SLC4A5: variants seen among roughly 807,000 people sequenced by gnomAD.
SLC4A5 encodes solute carrier family 4 member 5.
SLC4A5 carries 96 observed loss-of-function variants against 120.4 expected under a neutral mutation model. That is an observed-to-expected ratio of 0.80 (90% CI 0.68 to 0.94). The LOEUF is 0.94. SLC4A5 is among the 40% of genes least tolerant of loss of function. The probability of loss-of-function intolerance (pLI) is 0.00; values close to 1 mark genes in which losing one functional copy is unlikely to be tolerated. For missense variants in SLC4A5, 1,259 were observed against 1,459.5 expected (o/e 0.86, Z 2.24); for synonymous variants, 550 against 571.1 (o/e 0.96, Z 0.53).
chr2:74,298,026 T>G (rs1303154542), intron 7 of SLC4A5, among the ~76,000 whole-genome samples: 1 of 152,228 alleles, frequency 6.6e-6, no homozygotes, highest in East Asian at 1.9e-4. Flanking sequence ...GATCTGTTTT[T>G]ATTTCCCACA....
At chr2:74,240,041 T>A (rs916279119) in intron 20 of SLC4A5, among the ~76,000 whole-genome samples, 2 of 145,382 alleles carry the variant, frequency 1.4e-5, no homozygotes, top group African/African-American at 2.5e-5. Flanking sequence ...ATATATAAAT[T>A]TATATATATA....
At chr2:74,311,333 T>G (rs1204704479) in intron 6 of SLC4A5, among the ~76,000 whole-genome samples, 1 of 152,178 alleles carries the variant, frequency 6.6e-6, no homozygotes, top group African/African-American at 2.4e-5. Context: ...CCCTTTTTTC[T>G]TCTTGCTTTA....
chr2:74,224,681 C>T (rs562451456), intron 28 of SLC4A5, among the ~76,000 whole-genome samples, 159 bp downstream of exon 28: 1 of 152,282 alleles, frequency 6.6e-6, no homozygotes, highest in South Asian at 2.1e-4. Context: ...GAGCCCTCAA[C>T]ACCCCAGACC....
chr2:74,306,347 A>C (rs1021865300), intron 6 of SLC4A5, among the ~76,000 whole-genome samples: 2 of 149,064 alleles, frequency 1.3e-5, no homozygotes, highest in African/African-American at 5.2e-5. Flanking sequence ...GAGACATTCC[A>C]ACACCACCAA....
At chr2:74,312,997 T>C (rs1672854975) in intron 6 of SLC4A5, among the ~76,000 whole-genome samples, 1 of 151,930 alleles carries the variant, frequency 6.6e-6, no homozygotes, top group Admixed American at 6.6e-5. Context: ...ACAACAATTT[T>C]GTGTTTGTGG....
intron 8 of SLC4A5, among the ~76,000 whole-genome samples, chr2:74,281,063 G>A (rs1671798721): frequency 6.6e-6 from 1 of 152,222 alleles, no homozygotes; most frequent in African/African-American, 2.4e-5. Context: ...TGGAGTGAGA[G>A]CATCCCTGCC....
At chr2:74,226,904 G>C in intron 27 of SLC4A5, 53 bp downstream of exon 27, 1 of 1,586,546 alleles carries the variant, frequency 6.3e-7, no homozygotes, top group Non-Finnish European at 8.6e-7. Context: ...TGCACCTCTG[G>C]GTTGCCCAGG....
chr2:74,244,243 A>G (rs760083547), intron 19 of SLC4A5, among the ~76,000 whole-genome samples: 1 of 152,202 alleles, frequency 6.6e-6, no homozygotes, highest in Non-Finnish European at 1.5e-5. Flanking sequence ...TTAGTGGTCA[A>G]TAACGGCCCA....
At chr2:74,317,255 A>C (rs1364654915) in intron 5 of SLC4A5, among the ~76,000 whole-genome samples, 1 of 152,146 alleles carries the variant, frequency 6.6e-6, no homozygotes, top group Non-Finnish European at 1.5e-5. Flanking sequence ...AGATCATGTG[A>C]TCTTTAAGTT....
intron 3 of SLC4A5, among the ~76,000 whole-genome samples, chr2:74,336,019 C>T (rs1673479041): frequency 6.6e-6 from 1 of 152,070 alleles, no homozygotes; most frequent in South Asian, 2.1e-4. Flanking sequence ...GCTTTACATA[C>T]CTTACCTCAA....
chr2:74,262,631 A>G (rs1041921402), intron 10 of SLC4A5, among the ~76,000 whole-genome samples: 4 of 151,844 alleles, frequency 2.6e-5, no homozygotes, highest in Non-Finnish European at 4.4e-5. Flanking sequence ...TCCAGGAGGC[A>G]GAGTTTGCAG....
At chr2:74,229,766 T>G (rs1694993877) in intron 25 of SLC4A5, among the ~76,000 whole-genome samples, 1 of 152,232 alleles carries the variant, frequency 6.6e-6, no homozygotes, top group Non-Finnish European at 1.5e-5. Context: ...TCCTACTTAC[T>G]GCTCGGGTAT....
At chr2:74,262,593 G>A (rs1305177955) in intron 10 of SLC4A5, among the ~76,000 whole-genome samples, 9 of 151,890 alleles carry the variant, frequency 5.9e-5, no homozygotes, top group African/African-American at 2.2e-4. Context: ...CAGCTACTTG[G>A]GAGGCTGAGG....
Position 74,292,117 on chromosome 2 carries a change from C to T in SLC4A5, c.272-6215G>A, listed in dbSNP as rs192426664. On this transcript the variant is annotated intron_variant, in intron 7 of 30. Coordinates refer to ENST00000394019, the Ensembl canonical transcript of SLC4A5. ...CTATGAAGCGGTAATAATCACGCCC[C>T]CCTCACTGGACTGTGGCAGGGATTC... Among the ~76,000 whole-genome samples, 10 of 152,306 alleles carry T rather than the reference C, an allele frequency of 6.6e-5. No homozygotes were observed. The East Asian group carries it at 1.5e-3, about 24-fold the overall frequency.
chr2:74,324,291 C>T (rs756922689), intron 5 of SLC4A5, among the ~76,000 whole-genome samples: 5 of 152,148 alleles, frequency 3.3e-5, no homozygotes, highest in Non-Finnish European at 7.3e-5. Flanking sequence ...GTTGGGGTCT[C>T]GCTTTGTCGC....
chr2:74,340,517 G>C (rs1027450567), intron 2 of SLC4A5, among the ~76,000 whole-genome samples: 9 of 152,110 alleles, frequency 5.9e-5, no homozygotes, highest in African/African-American at 2.2e-4. Context: ...ATGATGGGTG[G>C]GGGCAGAAGC....
At chr2:74,234,416 A>T (rs1334958992) in intron 22 of SLC4A5, among the ~76,000 whole-genome samples, 2 of 152,066 alleles carry the variant, frequency 1.3e-5, no homozygotes, top group African/African-American at 2.4e-5. Flanking sequence ...TCACCTCATG[A>T]TCCGCCCACC....
chr2:74,280,042 T>C (rs1671763573), intron 8 of SLC4A5, among the ~76,000 whole-genome samples: 1 of 152,174 alleles, frequency 6.6e-6, no homozygotes, highest in Non-Finnish European at 1.5e-5. Flanking sequence ...GATTCTGTCC[T>C]TTTCCCACCT....
chr2:74,258,534 T>C (rs1203605359), intron 12 of SLC4A5, among the ~76,000 whole-genome samples: 1 of 152,256 alleles, frequency 6.6e-6, no homozygotes, highest in Non-Finnish European at 1.5e-5. Flanking sequence ...CCAAATAATG[T>C]TCCAGAATAC....
Sources: gnomAD v4.1 joint callset for allele counts (sites outside exome capture counted in the v4.1 genomes callset) on GRCh38, gnomAD v4.1.1 for gene constraint, MANE v1.5 for transcripts, NCBI Gene and HGNC (gene_info 2026-07-23, HGNC 2026-07-21) for gene names.